The following RBM27 variants were observed in gnomAD, a reference collection of about 807,000 sequenced individuals.
RBM27 encodes the protein RNA binding motif protein 27, also known as RNA-binding protein 27.
Under a neutral mutation model 135.3 loss-of-function variants are expected in RBM27, and 22 were observed. The ratio of observed to expected loss-of-function variants is 0.16; its 90% CI spans 0.12 to 0.23. The LOEUF (loss-of-function observed/expected upper bound fraction) is 0.23, where lower values mean the gene tolerates loss of function less well. RBM27 is among the 10% of genes least tolerant of loss of function. The pLI is 1.00. For synonymous variants in RBM27, 481 were observed against 442.4 expected (o/e 1.09, Z -1.10); for missense variants, 1,009 against 1,281.0 (o/e 0.79, Z 3.24).
At chr5:146,280,361 C>G (rs1759285250) in intron 19 of RBM27, among the ~76,000 whole-genome samples, 2 of 152,120 alleles carry the variant, frequency 1.3e-5, no homozygotes, top group Non-Finnish European at 2.9e-5. Flanking sequence ...GACCTATTTC[C>G]TTAAAATTTT....
chr5:146,210,121 C>T (rs1484123942), intron 1 of RBM27, among the ~76,000 whole-genome samples: 2 of 152,108 alleles, frequency 1.3e-5, no homozygotes, highest in Non-Finnish European at 1.5e-5. Flanking sequence ...TGGCCATGGG[C>T]GTGCAGGGCA....
rs1473501902 is a variant in RBM27, at chr5:146,233,450, A to G, written c.851A>G (p.Glu284Gly). The change falls in exon 7 of 21, where the codon GAA becomes GGA. Residue 284 changes from glutamate to glycine, a missense_variant and splice_region_variant. Physicochemically the swap from Glu to Gly is moderately conservative, Grantham distance 98. This residue lies in a region of RBM27 where 16 missense variants were observed against 46.1 expected (regional missense o/e 0.35). Transcript: ENST00000265271. ...PPKRRCRDYD[E>G]RGFCVLGDLC... ...TCTTTTTTTATTCTTTATTCCACAG[A>G]AAGAGGATTTTGTGTACTTGGTGAC... 1 of 1,539,448 alleles carries G rather than the reference A, an allele frequency of 6.5e-7. No homozygotes were observed. The highest frequency in any genetic ancestry group is 8.7e-7 in the Non-Finnish European group (1 of 1,143,848).
chr5:146,245,612 G>C (rs914739388), intron 8 of RBM27, among the ~76,000 whole-genome samples: 2 of 152,032 alleles, frequency 1.3e-5, no homozygotes, highest in Non-Finnish European at 2.9e-5. Flanking sequence ...TAATTCTGTG[G>C]CATTATGTAG....
chr5:146,240,519 G>A (rs1339876880), intron 8 of RBM27, among the ~76,000 whole-genome samples: 7 of 152,222 alleles, frequency 4.6e-5, no homozygotes, highest in African/African-American at 1.7e-4. Flanking sequence ...TAGAGATGGG[G>A]TTTTGCCATG....
intron 17 of RBM27, among the ~76,000 whole-genome samples, chr5:146,270,452 AAG>A (rs1230172650): frequency 3.9e-5 from 6 of 152,318 alleles, no homozygotes; most frequent in Middle Eastern, 6.8e-3. Context: ...TAATTATAGA[AAG>A]AATATATATG....
At chr5:146,267,515 A>T in intron 14 of RBM27, 134 bp from the exon 15 acceptor site, 1 of 589,834 alleles carries the variant, frequency 1.7e-6, no homozygotes, top group Non-Finnish European at 2.9e-6. Context: ...TTATAATGAA[A>T]TTTTTAAATG....
At chr5:146,258,987 C>T (rs892282769) in intron 11 of RBM27, among the ~76,000 whole-genome samples, 1 of 151,902 alleles carries the variant, frequency 6.6e-6, no homozygotes, top group African/African-American at 2.4e-5. Flanking sequence ...TCTCAAACTC[C>T]TGACCTCAGG....
At chr5:146,207,225 TTTTC>T (rs1407214690) in intron 1 of RBM27, among the ~76,000 whole-genome samples, 2 of 152,044 alleles carry the variant, frequency 1.3e-5, no homozygotes, top group Non-Finnish European at 2.9e-5. Context: ...TTTTCTTTCT[TTTTC>T]TTTCTTTTTT....
intron 1 of RBM27, among the ~76,000 whole-genome samples, chr5:146,210,307 A>G (rs1000641941): frequency 6.6e-6 from 1 of 152,218 alleles, no homozygotes; most frequent in African/African-American, 2.4e-5. Context: ...GCTAGTGGCT[A>G]CTATACTAGG....
At chr5:146,214,114 A>T (rs756495803) in intron 1 of RBM27, among the ~76,000 whole-genome samples, 19 of 152,220 alleles carry the variant, frequency 1.2e-4, no homozygotes, top group Non-Finnish European at 2.6e-4. Flanking sequence ...TTTTAGTTCC[A>T]CAGATGTGCT....
rs113788708 is a variant in RBM27, at chr5:146,241,236, T to A, written c.1279+3804T>A. On this transcript the variant is annotated intron_variant, in intron 8 of 20. Coordinates refer to ENST00000265271, the MANE Select transcript of RBM27 (RefSeq NM_018989.2). ...ACATTGTGACTCACTCTATAAATAT[T>A]CCATTTGGTTTTAATTTTTAAAACT... Among the ~76,000 whole-genome samples the A allele has an allele frequency of 8.5e-3, 1,298 of 152,306 alleles. 24 individuals are homozygous for A. Among genetic ancestry groups the A allele is most frequent in the African/African-American group, 0.028 (1,175 of 41,562 alleles).
chr5:146,211,435 TTTAC>T (rs1250550022), intron 1 of RBM27, among the ~76,000 whole-genome samples: 2 of 151,242 alleles, frequency 1.3e-5, no homozygotes, highest in African/African-American at 2.4e-5. Context: ...CAACTCCATT[TTTAC>T]TTACTTTGTC....
At position 146,238,456 on chromosome 5, in the gene RBM27, C is replaced by T. The variant is rs1262313500; in HGVS notation, c.1279+1024C>T. ...CTGGGAGGCGGAGGTTGCAGTGAGCCGAGATCGTGCCACTGCACTCCCGCC... is the reference window on the plus strand; with the variant it reads ...CTGGGAGGCGGAGGTTGCAGTGAGCTGAGATCGTGCCACTGCACTCCCGCC... On this transcript the variant is annotated intron_variant, in intron 8 of 20. Transcript: ENST00000265271. 3.3e-5 allele frequency among the ~76,000 whole-genome samples: 5 copies of T among 152,092 alleles called. No homozygotes were observed. The East Asian group carries it at 5.8e-4, about 18-fold the overall frequency.
rs189205938 is a variant in RBM27, at chr5:146,233,484, G to T, written c.885G>T (p.Gln295His). The change falls in exon 7 of 21, where the codon CAG becomes CAT. Residue 295 changes from glutamine to histidine, a missense_variant. Gln to His is a conservative substitution (Grantham distance 24). Around this residue, in one of 6 missense-constraint regions of RBM27, gnomAD observed 16 missense variants for 46.1 expected, o/e 0.35. Transcript: ENST00000265271. ...TTTGTGTACTTGGTGACCTTTGTCA[G>T]TTTGATCATGGAAATGATCCCCTAG... ...RGFCVLGDLC[Q>H]FDHGNDPLVV... 2 of 1,591,558 alleles carry T rather than the reference G, an allele frequency of 1.3e-6. No individual in the cohort carries two copies. The highest frequency in any genetic ancestry group is 1.4e-5 in the African/African-American group (1 of 73,922).
chr5:146,284,974 T>A (rs1759523390), intron 20 of RBM27, among the ~76,000 whole-genome samples: 1 of 152,128 alleles, frequency 6.6e-6, no homozygotes, highest in African/African-American at 2.4e-5. Context: ...TATATTGGAT[T>A]TATTTGAGCT....
intron 1 of RBM27, among the ~76,000 whole-genome samples, chr5:146,207,367 C>G (rs1039878055): frequency 3.3e-5 from 5 of 151,982 alleles, no homozygotes; most frequent in Admixed American, 3.3e-4. Context: ...GCGCCCGCCA[C>G]CATGCCCGGC....
At chr5:146,284,200 G>T (rs920786368) in intron 19 of RBM27, among the ~76,000 whole-genome samples, 1 of 152,136 alleles carries the variant, frequency 6.6e-6, no homozygotes, top group African/African-American at 2.4e-5. Flanking sequence ...CATAGGTGGG[G>T]CTGTGAGAGA....
At chr5:146,212,936 T>G (rs965517290) in intron 1 of RBM27, among the ~76,000 whole-genome samples, 1 of 152,170 alleles carries the variant, frequency 6.6e-6, no homozygotes, top group Non-Finnish European at 1.5e-5. Context: ...AAGAGAATGG[T>G]TACCTTGGCA....
At chr5:146,285,733 A>G (rs889506262) in intron 20 of RBM27, among the ~76,000 whole-genome samples, 1 of 151,992 alleles carries the variant, frequency 6.6e-6, no homozygotes, top group African/African-American at 2.4e-5. Context: ...TCTCCTATTA[A>G]AAGTAGCAAA....
Sources: allele counts gnomAD v4.1 joint callset (sites outside exome capture counted in the v4.1 genomes callset), GRCh38; gene constraint gnomAD v4.1.1; regional missense constraint gnomAD v4.1.1; transcripts MANE v1.5; gene names NCBI Gene and HGNC (gene_info 2026-07-23, HGNC 2026-07-21).